Variants in DIS3L2 observed in about 807,000 individuals in gnomAD.
The protein encoded by DIS3L2 is DIS3 like 3'-5' exoribonuclease 2, also known as DIS3-like exonuclease 2.
DIS3L2 carries 34 observed loss-of-function variants against 97.5 expected under a neutral mutation model. The ratio of observed to expected loss-of-function variants is 0.35; its 90% CI spans 0.27 to 0.46. The LOEUF is 0.46. DIS3L2 is among the 20% of genes least tolerant of loss of function. The pLI, the probability that DIS3L2 is intolerant of heterozygous loss-of-function variation, is 1.00. For synonymous variants in DIS3L2, 435 were observed against 445.2 expected (o/e 0.98, Z 0.29); for missense variants, 1,038 against 1,146.0 (o/e 0.91, Z 1.36).
At chr2:232,274,161 T>C (rs1383654092) in intron 13 of DIS3L2, among the ~76,000 whole-genome samples, 1 of 152,092 alleles carries the variant, frequency 6.6e-6, no homozygotes, top group Admixed American at 6.5e-5. Flanking sequence ...GATAGGAACT[T>C]CCAGGGGTGA....
chr2:232,086,105 T>C (rs1696576508), intron 5 of DIS3L2, among the ~76,000 whole-genome samples: 1 of 152,148 alleles, frequency 6.6e-6, no homozygotes, highest in Non-Finnish European at 1.5e-5. Context: ...CCTGGATTTT[T>C]TTCCTCTACT....
intron 9 of DIS3L2, among the ~76,000 whole-genome samples, chr2:232,168,814 G>T (rs1283444543): frequency 1.3e-5 from 2 of 152,176 alleles, no homozygotes; most frequent in African/African-American, 4.8e-5. Flanking sequence ...GATGTAGTTG[G>T]TTAGCATGCA....
chr2:231,985,585 C>T (rs1262153713), intron 1 of DIS3L2, among the ~76,000 whole-genome samples: 1 of 152,212 alleles, frequency 6.6e-6, no homozygotes, highest in African/African-American at 2.4e-5. Context: ...TGAGTGCATA[C>T]ACCCTTTACT....
chr2:232,232,510 G>A (rs1279968830), intron 10 of DIS3L2, among the ~76,000 whole-genome samples: 2 of 152,324 alleles, frequency 1.3e-5, no homozygotes, highest in East Asian at 3.9e-4. Flanking sequence ...ACGTATGGAA[G>A]GTAGAGTCAG....
chr2:232,126,943 C>T (rs1178891966), intron 6 of DIS3L2, among the ~76,000 whole-genome samples: 6 of 152,184 alleles, frequency 3.9e-5, no homozygotes, highest in African/African-American at 1.4e-4. Context: ...CCTTCAACTT[C>T]CTTATTTCTC....
At chr2:232,032,722 TC>T (rs1694835215) in intron 5 of DIS3L2, among the ~76,000 whole-genome samples, 1 of 152,216 alleles carries the variant, frequency 6.6e-6, no homozygotes, top group African/African-American at 2.4e-5. Context: ...TAGCTAGTTT[TC>T]CCAGCACCAT....
At chr2:232,329,102 A>C (rs903212320) in intron 14 of DIS3L2, 4 of 152,314 alleles carry the variant, frequency 2.6e-5, no homozygotes, top group Non-Finnish European at 5.9e-5. Flanking sequence ...AAGTGCTGCA[A>C]AGCCAGAGCA....
At chr2:232,287,466 A>G (rs953393257) in intron 13 of DIS3L2, among the ~76,000 whole-genome samples, 4 of 130,698 alleles carry the variant, frequency 3.1e-5, no homozygotes, top group South Asian at 2.5e-4. Flanking sequence ...TGGCGTGATC[A>G]TAGCTCAGTG....
chr2:232,039,283 A>T (rs1376919556), intron 5 of DIS3L2, among the ~76,000 whole-genome samples: 1 of 152,176 alleles, frequency 6.6e-6, no homozygotes, highest in Non-Finnish European at 1.5e-5. Flanking sequence ...AGAATCCCTG[A>T]CGTCTAGAAT....
intron 13 of DIS3L2, among the ~76,000 whole-genome samples, chr2:232,294,626 C>G (rs1694680323): frequency 6.6e-6 from 1 of 152,176 alleles, no homozygotes; most frequent in African/African-American, 2.4e-5. Flanking sequence ...ACAGCCTGCT[C>G]TCTGACCATG....
rs73996931 is a variant in DIS3L2, at chr2:232,209,793, G to A, written c.1125-533G>A. 2.0e-3 allele frequency among the ~76,000 whole-genome samples: 305 copies of A among 152,284 alleles called. 5 individuals are homozygous for A. The highest frequency in any genetic ancestry group is 6.7e-3 in the African/African-American group (278 of 41,554). On this transcript the variant is annotated intron_variant, in intron 9 of 20. Coordinates refer to ENST00000325385, the MANE Select transcript of DIS3L2 (RefSeq NM_152383.5). Reference sequence around the variant, plus strand: ...ATTGTGCAAAGATAAATGGGCACATGGTGTACTTGGTATGAGCTTGGTTGA... The same window carrying A: ...ATTGTGCAAAGATAAATGGGCACATAGTGTACTTGGTATGAGCTTGGTTGA...
At chr2:232,063,095 G>C (rs1695757982) in intron 5 of DIS3L2, among the ~76,000 whole-genome samples, 1 of 152,050 alleles carries the variant, frequency 6.6e-6, no homozygotes, top group Non-Finnish European at 1.5e-5. Context: ...CTTCACTCCA[G>C]GCTTCAGTCC....
intron 5 of DIS3L2, among the ~76,000 whole-genome samples, chr2:232,064,307 A>G (rs1376253213): frequency 6.6e-6 from 1 of 152,198 alleles, no homozygotes; most frequent in African/African-American, 2.4e-5. Flanking sequence ...AGAATGTCAT[A>G]TAAATGGAAT....
chr2:232,180,974 G>A (rs1181394021), intron 9 of DIS3L2, among the ~76,000 whole-genome samples: 1 of 44,438 alleles, frequency 2.3e-5, no homozygotes, highest in African/African-American at 9.6e-5. Context: ...CATGTTTAGC[G>A]CTTCCTTCAG....
chr2:232,336,409 AGCTGC>A, intron 20 of DIS3L2, 55 bp from the exon 21 acceptor site: 1 of 1,563,288 alleles, frequency 6.4e-7, no homozygotes, highest in Non-Finnish European at 8.7e-7. Flanking sequence ...ATGGAGGCAG[AGCTGC>A]GCCTCGACAT....
At chr2:232,342,222 CAT>C (rs760106533) in intron 13 of DIS3L2, among the ~76,000 whole-genome samples, 84 of 148,172 alleles carry the variant, frequency 5.7e-4, no homozygotes, top group Non-Finnish European at 1.0e-3. Context: ...CATATATACA[CAT>C]ACATATATAC....
chr2:232,244,477 C>T (rs1360729059), intron 11 of DIS3L2, among the ~76,000 whole-genome samples: 1 of 152,160 alleles, frequency 6.6e-6, no homozygotes, highest in Non-Finnish European at 1.5e-5. Flanking sequence ...TTTGTCTTCT[C>T]CATGTGGAGT....
At chr2:232,144,722 A>G (rs1458777790) in intron 8 of DIS3L2, among the ~76,000 whole-genome samples, 3 of 152,126 alleles carry the variant, frequency 2.0e-5, no homozygotes, top group African/African-American at 7.2e-5. Flanking sequence ...GAATCCCGTA[A>G]TACAGTTAGC....
chr2:232,109,617 G>A (rs1228747364), intron 6 of DIS3L2, among the ~76,000 whole-genome samples: 2 of 152,100 alleles, frequency 1.3e-5, no homozygotes, highest in Admixed American at 6.5e-5. Context: ...GACAAAATAA[G>A]CAAGGGGGAA....
Sources: gnomAD v4.1 joint callset for allele counts (sites outside exome capture counted in the v4.1 genomes callset) on GRCh38, gnomAD v4.1.1 for gene constraint, MANE v1.5 for transcripts, NCBI Gene and HGNC (gene_info 2026-07-23, HGNC 2026-07-21) for gene names.